The following PAX2 variants were observed in gnomAD, a reference collection of about 807,000 sequenced individuals.
PAX2 encodes paired box protein Pax-2.
A neutral mutation model predicts 41.7 loss-of-function variants in PAX2; 9 were observed. The observed-to-expected ratio is 0.22, with a 90% CI of 0.13 to 0.38. The LOEUF (loss-of-function observed/expected upper bound fraction) is 0.38, where lower values mean the gene tolerates loss of function less well. Among genes scored for constraint, PAX2 ranks in the 10% least tolerant of loss-of-function variants. PAX2 has a pLI of 1.00. For synonymous variants in PAX2, 221 were observed against 212.7 expected (o/e 1.04, Z -0.34); for missense variants, 418 against 531.6 (o/e 0.79, Z 2.10).
intron 3 of PAX2, among the ~76,000 whole-genome samples, chr10:100,778,223 T>A (rs895294818): frequency 1.3e-5 from 2 of 152,200 alleles, no homozygotes; most frequent in African/African-American, 4.8e-5. Context: ...CCAGTGTCCT[T>A]TCCGCCATCC....
At chr10:100,811,944 A>G (rs1848003978) in intron 7 of PAX2, among the ~76,000 whole-genome samples, 2 of 152,184 alleles carry the variant, frequency 1.3e-5, no homozygotes, top group South Asian at 4.1e-4. Flanking sequence ...CCTTATTGAG[A>G]TTCCTGCCAC....
chr10:100,788,768 C>T (rs991954909), intron 5 of PAX2, among the ~76,000 whole-genome samples: 33 of 152,070 alleles, frequency 2.2e-4, no homozygotes, highest in African/African-American at 7.0e-4. Flanking sequence ...CTGAGGAGGG[C>T]CCAGGAGACT....
intron 8 of PAX2, chr10:100,825,028 G>A: frequency 6.7e-7 from 1 of 1,488,924 alleles, no homozygotes; most frequent in Non-Finnish European, 9.4e-7. Context: ...CCAAGTCTGT[G>A]CCCGAGGAGC....
At chr10:100,776,545 G>A (rs1846393778) in intron 3 of PAX2, among the ~76,000 whole-genome samples, 1 of 152,102 alleles carries the variant, frequency 6.6e-6, no homozygotes, top group Non-Finnish European at 1.5e-5. Flanking sequence ...GGAAATAAAT[G>A]TCCTCCAGTA....
intron 5 of PAX2, among the ~76,000 whole-genome samples, chr10:100,781,759 A>T (rs527494505): frequency 4.6e-5 from 7 of 152,316 alleles, no homozygotes; most frequent in African/African-American, 1.7e-4. Context: ...TGAGGTAGTG[A>T]TGTCATGTGC....
At chr10:100,795,074 A>G (rs1378648300) in intron 5 of PAX2, among the ~76,000 whole-genome samples, 2 of 152,248 alleles carry the variant, frequency 1.3e-5, no homozygotes, top group African/African-American at 4.8e-5. Flanking sequence ...CTGTAAGTGA[A>G]TGAATGCTTT....
At position 100,827,785 on chromosome 10, in the gene PAX2, C is replaced by A. The variant is rs1374740224; in HGVS notation, c.*166C>A. 6.6e-5 allele frequency: 68 copies of A among 1,034,180 alleles called. No individual in the cohort carries two copies. Among genetic ancestry groups the A allele is most frequent in the South Asian group, 1.4e-5 (1 of 70,970 alleles). The allele number at this position is 1,034,180 out of a possible 1,614,324, so 64.1% of individuals were successfully genotyped here. A position where few individuals can be genotyped will look rare whatever the true frequency, so the allele number is the denominator to read the frequency against. ...ACCCCCGCAACCCTTCACATCACCC[C>A]CCTCGAAGGTCGGACAGGACGGGTG... On this transcript the variant is annotated 3_prime_UTR_variant, in exon 10 of 10. Coordinates refer to ENST00000355243, the MANE Select transcript of PAX2 (RefSeq NM_000278.5). This position sits in a 1 kb window ranked among gnomAD's most constrained non-coding sequence, Gnocchi z 8.5.
intron 7 of PAX2, among the ~76,000 whole-genome samples, chr10:100,820,662 C>T (rs1263192662): frequency 6.6e-6 from 1 of 152,138 alleles, no homozygotes; most frequent in African/African-American, 2.4e-5. Context: ...TGCAGTGAGC[C>T]GAGATCGCAC....
At chr10:100,819,269 G>T (rs1196717952) in intron 7 of PAX2, among the ~76,000 whole-genome samples, 1 of 148,074 alleles carries the variant, frequency 6.8e-6, no homozygotes, top group Non-Finnish European at 1.5e-5. Flanking sequence ...AGGGGGGGGA[G>T]TTTAAAAACA....
chr10:100,758,016 G>A (rs1845696863), intron 3 of PAX2, among the ~76,000 whole-genome samples: 3 of 152,186 alleles, frequency 2.0e-5, no homozygotes, highest in Admixed American at 2.0e-4. Context: ...AATCAACCAT[G>A]GGAGAAATGA....
chr10:100,828,092 G>A lies in PAX2; in HGVS notation c.*473G>A. On this transcript the variant is annotated 3_prime_UTR_variant, in exon 10 of 10. Transcript: ENST00000355243. The surrounding 1 kb of genome is among the most constrained non-coding windows in gnomAD (Gnocchi z 6.5). ...GCTCGGGCGCCAGGAGGCTTCGCTG[G>A]AGGGGCTGGGCCAAGGAGATTAAGA... is the stretch of plus-strand genomic sequence containing the variant. The A allele has an allele frequency of 4.2e-6, 1 of 236,892 alleles. No homozygotes were observed. The highest frequency in any genetic ancestry group is 6.2e-5 in the East Asian group (1 of 16,160). 14.7% of individuals were successfully genotyped at this position (236,892 alleles called of 1,614,324 possible).
chr10:100,746,437 G>T, intron 1 of PAX2, 134 bp downstream of exon 1: 2 of 757,836 alleles, frequency 2.6e-6, no homozygotes, highest in South Asian at 1.4e-5. Flanking sequence ...CCCTCTTTTC[G>T]TTCTTTCTCT....
Position 100,827,729 on chromosome 10 carries a change from G to T in PAX2, c.*110G>T, listed in dbSNP as rs761311418. On this transcript the variant is annotated 3_prime_UTR_variant, in exon 10 of 10. Transcript: ENST00000355243. This position sits in a 1 kb window ranked among gnomAD's most constrained non-coding sequence, Gnocchi z 8.5. ...GGACCGACGCGACGCGATGCCTCCC[G>T]GCCACCGCCCCAGCCTCACCCCATC... The T allele has an allele frequency of 6.3e-7, 1 of 1,589,932 alleles. No homozygotes were observed. The highest frequency in any genetic ancestry group is 8.6e-7 in the Non-Finnish European group (1 of 1,161,336).
chr10:100,784,775 G>A (rs1323455645), intron 5 of PAX2, among the ~76,000 whole-genome samples: 1 of 152,182 alleles, frequency 6.6e-6, no homozygotes, highest in Non-Finnish European at 1.5e-5. Flanking sequence ...GGGGATATTA[G>A]GAAAGGACTG....
At chr10:100,752,863 T>C (rs1227650757) in intron 3 of PAX2, among the ~76,000 whole-genome samples, 1 of 152,068 alleles carries the variant, frequency 6.6e-6, no homozygotes. Context: ...TGAAAAGCCA[T>C]GGAGAACAAG....
chr10:100,794,556 T>C (rs1847255670), intron 5 of PAX2, among the ~76,000 whole-genome samples: 1 of 152,200 alleles, frequency 6.6e-6, no homozygotes, highest in African/African-American at 2.4e-5. Context: ...ATATGGTTCC[T>C]GCCCTTGGAG....
intron 5 of PAX2, among the ~76,000 whole-genome samples, chr10:100,799,379 G>A (rs958232542): frequency 6.6e-6 from 1 of 152,256 alleles, no homozygotes; most frequent in African/African-American, 2.4e-5. Flanking sequence ...CCCTGAGCCT[G>A]TTTCCTCGTT....
rs1848459085 is a variant in PAX2 at position 100,824,142 on chromosome 10, G to C, written c.920-506G>C. On this transcript the variant is annotated intron_variant, in intron 7 of 9. Coordinates refer to ENST00000355243, the MANE Select transcript of PAX2 (RefSeq NM_000278.5). This position sits in a 1 kb window ranked among gnomAD's most constrained non-coding sequence, Gnocchi z 6.6. ...TGGAGAGGACAAGGAATAGCCATCA[G>C]TCCCTGTAGGGGTGATGGTGGGGTG... Among the ~76,000 whole-genome samples, 1 of 152,176 alleles carries C rather than the reference G, an allele frequency of 6.6e-6. No individual in the cohort carries two copies. The highest frequency in any genetic ancestry group is 6.5e-5 in the Admixed American group (1 of 15,282).
chr10:100,770,806 C>T (rs1375964217), intron 3 of PAX2, among the ~76,000 whole-genome samples: 1 of 152,210 alleles, frequency 6.6e-6, no homozygotes, highest in Non-Finnish European at 1.5e-5. Flanking sequence ...CACAGAGCAA[C>T]TGATAGCTTA....
Sources: allele counts gnomAD v4.1 joint callset (sites outside exome capture counted in the v4.1 genomes callset), GRCh38; gene constraint gnomAD v4.1.1; non-coding constraint Gnocchi (gnomAD v3.1); transcripts MANE v1.5; gene names NCBI Gene and HGNC (gene_info 2026-07-23, HGNC 2026-07-21).